Variants in TMEM63C observed in about 807,000 individuals in gnomAD.
The protein encoded by TMEM63C is transmembrane protein 63C, also known as osmosensitive cation channel TMEM63C.
TMEM63C carries 32 observed loss-of-function variants against 99.2 expected under a neutral mutation model. That is an observed-to-expected ratio of 0.32 (90% confidence interval 0.24 to 0.43). The LOEUF (loss-of-function observed/expected upper bound fraction) is 0.43. Ranked by LOEUF, TMEM63C falls within the 20% of genes least tolerant of loss-of-function variation. The probability of loss-of-function intolerance (pLI) is 1.00; values close to 1 mark genes in which losing one functional copy is unlikely to be tolerated. For synonymous variants in TMEM63C, 376 were observed against 397.9 expected, an observed-to-expected ratio of 0.94 and a Z score of 0.66; for missense variants, 826 against 1,053.0, an observed-to-expected ratio of 0.78 and a Z score of 2.98.
At chr14:77,229,265 T>C (rs1372350796) in intron 6 of TMEM63C, among the ~76,000 whole-genome samples, 2 of 151,494 alleles carry the variant, frequency 1.3e-5, no homozygotes, top group African/African-American at 4.8e-5. Context: ...TTTGGCTGAG[T>C]ACACACCTGT....
chr14:77,211,464 G>A lies in TMEM63C; in HGVS notation c.-76-1982G>A, dbSNP rs532683364. Among the ~76,000 whole-genome samples, 9 of 152,172 alleles carry A rather than the reference G, an allele frequency of 5.9e-5. No individual in the cohort carries two copies. In the South Asian group the frequency reaches 6.2e-4, roughly 10 times the overall value. On this transcript the variant is annotated intron_variant, in intron 1 of 23. Coordinates refer to ENST00000298351, the MANE Select transcript of TMEM63C (RefSeq NM_020431.4). ...AGCTCATATTACTTGCTCTGTAAAC[G>A]TTAGCTATTAATAAAATTTGTCCCT...
intron 1 of TMEM63C, among the ~76,000 whole-genome samples, chr14:77,212,681 T>C (rs1429154724): frequency 6.6e-6 from 1 of 152,176 alleles, no homozygotes; most frequent in East Asian, 1.9e-4. Context: ...CCTCCCTCAT[T>C]ACTGCCTCTG....
At chr14:77,204,378 G>A (rs921667640) in intron 1 of TMEM63C, among the ~76,000 whole-genome samples, 1 of 152,194 alleles carries the variant, frequency 6.6e-6, no homozygotes, top group African/African-American at 2.4e-5. Flanking sequence ...GGAAACCCAG[G>A]GAAATGCTCA....
rs1555346130 is a variant in TMEM63C, at chr14:77,194,493, T to TTTTCTTTTTCTTTCTTTCTTTC, written c.-77+12606_-77+12607insTTCTTTCTTTCTTTCTTTCTTT. ...CAGGGACATCCATGCCATATTTCTT[T>TTTTCTTTTTCTTTCTTTCTTTC]TTTCTTTCTTTCTTTCTTTCTTTCT... On this transcript the variant is annotated intron_variant, in intron 1 of 23. Coordinates refer to ENST00000298351, the MANE Select transcript of TMEM63C (RefSeq NM_020431.4). Among the ~76,000 whole-genome samples the TTTTCTTTTTCTTTCTTTCTTTC allele has an allele frequency of 2.5e-4, 12 of 48,678 alleles. 2 individuals carry two copies. Among genetic ancestry groups the TTTTCTTTTTCTTTCTTTCTTTC allele is most frequent in the South Asian group, 1.3e-3 (1 of 768 alleles). The allele number at this position is 48,678 out of a possible 152,430, so 31.9% of individuals were successfully genotyped here. A position where few individuals can be genotyped will look rare whatever the true frequency, so the allele number is the denominator to read the frequency against.
At chr14:77,250,986 T>C (rs1889350262) in intron 21 of TMEM63C, among the ~76,000 whole-genome samples, 1 of 152,226 alleles carries the variant, frequency 6.6e-6, no homozygotes, top group African/African-American at 2.4e-5. Context: ...GCTTTGGGCA[T>C]GGGAACATTG....
At chr14:77,194,334 ATATGTGTGTGTGTGTGTGTGTGTGTG>A (rs1181767122) in intron 1 of TMEM63C, among the ~76,000 whole-genome samples, 1 of 71,938 alleles carries the variant, frequency 1.4e-5, no homozygotes, top group African/African-American at 3.3e-5. Flanking sequence ...AGATATATAT[ATATGTGTGTGTGTGTGTGTGTGTGTG>A]TGTGTGTGTG....
chr14:77,196,675 G>A (rs1888219984), intron 1 of TMEM63C, among the ~76,000 whole-genome samples: 1 of 152,250 alleles, frequency 6.6e-6, no homozygotes. Context: ...GATTAAGACA[G>A]ATGGTATCTT....
At position 77,217,324 on chromosome 14, in the gene TMEM63C, G is replaced by C. The variant is rs192555774; in HGVS notation, c.-13-1477G>C. Among the ~76,000 whole-genome samples the C allele has an allele frequency of 6.8e-4, 103 of 152,218 alleles. No individual in the cohort carries two copies. In the East Asian group the frequency reaches 0.013, roughly 19 times the overall value. On this transcript the variant is annotated intron_variant, in intron 2 of 23. Transcript: ENST00000298351. ...ACAGCTGCATGGTTCACTCCCTCAA[G>C]TCCTTGCTCAGATGTCATTCTCTCA...
In TMEM63C at chr14:77,245,920, A is replaced by C. The variant is rs2140129237; in HGVS notation, c.1449-20A>C. ...TATTAGGCCACGTCCATTGATGAAT[A>C]TCTCTCTGTTTCCTTCTAGATCAAG... On this transcript the variant is annotated intron_variant, in intron 16 of 23. Coordinates refer to ENST00000298351, the MANE Select transcript of TMEM63C (RefSeq NM_020431.4). 1 of 1,594,940 alleles carries C rather than the reference A, an allele frequency of 6.3e-7. No homozygotes were observed. Among genetic ancestry groups the C allele is most frequent in the Non-Finnish European group, 8.6e-7 (1 of 1,162,516 alleles).
chr14:77,186,529 C>A (rs1238177453), intron 1 of TMEM63C, among the ~76,000 whole-genome samples: 1 of 151,986 alleles, frequency 6.6e-6, no homozygotes, highest in Non-Finnish European at 1.5e-5. Flanking sequence ...CATAGAAAGA[C>A]CTTGTCTCTA....
chr14:77,250,418 G>A (rs576906229), intron 21 of TMEM63C, among the ~76,000 whole-genome samples: 4 of 151,140 alleles, frequency 2.6e-5, no homozygotes, highest in Admixed American at 6.6e-5. Flanking sequence ...AGGGAGACGC[G>A]GTGTTTTCTT....
At chr14:77,234,744 T>A (rs1889006301) in intron 8 of TMEM63C, among the ~76,000 whole-genome samples, 1 of 152,164 alleles carries the variant, frequency 6.6e-6, no homozygotes, top group Admixed American at 6.5e-5. Context: ...TGGGATGGCA[T>A]CATGTGGGTT....
chr14:77,245,769 CA>C (rs1472609384), intron 16 of TMEM63C, among the ~76,000 whole-genome samples, 170 bp from the exon 17 acceptor site: 1 of 152,324 alleles, frequency 6.6e-6, no homozygotes, highest in Non-Finnish European at 1.5e-5. Context: ...AATCATCTCC[CA>C]CTGGGTCCCT....
At chr14:77,207,276 G>A (rs576222000) in intron 1 of TMEM63C, among the ~76,000 whole-genome samples, 9 of 152,392 alleles carry the variant, frequency 5.9e-5, no homozygotes, top group African/African-American at 2.2e-4. Context: ...AGTCCAAGTG[G>A]CCACCTTCTC....
Position 77,256,876 on chromosome 14 carries a change from C to T in TMEM63C, c.*150C>T. 1.4e-6 allele frequency: 1 copy of T among 733,622 alleles called. No individual in the cohort carries two copies. Among genetic ancestry groups the T allele is most frequent in the Admixed American group, 2.9e-5 (1 of 34,870 alleles). 45.4% of individuals were successfully genotyped at this position (733,622 alleles called of 1,614,324 possible). ...GACATCCACCACCCCAGCCATGGGC[C>T]ATACGGGGGTCCTGACCTGCTGCCC... is the stretch of plus-strand genomic sequence containing the variant. On this transcript the variant is annotated 3_prime_UTR_variant, in exon 24 of 24. Transcript: ENST00000298351.
chr14:77,225,573 T>A, intron 6 of TMEM63C, 112 bp downstream of exon 6: 1 of 1,084,642 alleles, frequency 9.2e-7, no homozygotes, highest in Non-Finnish European at 1.3e-6. Flanking sequence ...CTGAGCTCCG[T>A]ATCCTCCCCG....
intron 1 of TMEM63C, among the ~76,000 whole-genome samples, chr14:77,203,369 G>A (rs867745883): frequency 4.5e-5 from 6 of 131,882 alleles, no homozygotes; most frequent in Middle Eastern, 8.1e-3. Context: ...GCAAAAGAGC[G>A]AAACTCCATC....
At chr14:77,255,064 C>T (rs1889438928) in intron 23 of TMEM63C, among the ~76,000 whole-genome samples, 1 of 152,194 alleles carries the variant, frequency 6.6e-6, no homozygotes, top group African/African-American at 2.4e-5. Context: ...CATCTTGGCT[C>T]ACTGCAACCT....
In TMEM63C at chr14:77,243,030, G is replaced by A. The variant is rs765426661; in HGVS notation, c.1315G>A (p.Val439Ile). 35 of 1,613,626 alleles carry A rather than the reference G, an allele frequency of 2.2e-5. No individual in the cohort carries two copies. The highest frequency in any genetic ancestry group is 8.0e-5 in the African/African-American group (6 of 74,872). The part of the protein sequence containing the change: ...IIMNTIDMYN[V>I]TRPIEKLQNP... ...CATGAACACTATCGACATGTACAAC[G>A]TCACCCGCCCCATCGAGAAGCTGCA... Residue 439 changes from valine (V) to isoleucine (I), a missense_variant, in exon 15 of 24, where the codon GTC becomes ATC. By Grantham distance (29) the Val-to-Ile change is conservative (BLOSUM62 3). Coordinates refer to ENST00000298351, the MANE Select transcript of TMEM63C (RefSeq NM_020431.4).
Sources: gnomAD v4.1 joint callset for allele counts (sites outside exome capture counted in the v4.1 genomes callset) on GRCh38, gnomAD v4.1.1 for gene constraint, MANE v1.5 for transcripts, NCBI Gene and HGNC (gene_info 2026-07-23, HGNC 2026-07-21) for gene names.